Variants in SPDYE5 observed in about 807,000 individuals in gnomAD.
SPDYE5 encodes speedy protein E5.
Under a neutral mutation model 48.5 loss-of-function variants are expected in SPDYE5, and 15 were observed. That is an observed-to-expected ratio of 0.31 (90% confidence interval 0.21 to 0.48). The LOEUF (loss-of-function observed/expected upper bound fraction) is 0.48, where lower values mean the gene tolerates loss of function less well. Among genes scored for constraint, SPDYE5 ranks in the 20% least tolerant of loss-of-function variants. The pLI is 0.99. For missense variants in SPDYE5, 331 were observed against 549.1 expected (o/e 0.60, Z 3.97); for synonymous variants, 116 against 200.7 (o/e 0.58, Z 3.57).
intron 1 of SPDYE5, among the ~76,000 whole-genome samples, chr7:75,493,211 T>C (rs1281485370): frequency 6.6e-6 from 1 of 151,500 alleles, no homozygotes; most frequent in Admixed American, 6.6e-5. Context: ...AAACTTGATA[T>C]ATAGACTAGA....
intron 2 of SPDYE5, among the ~76,000 whole-genome samples, chr7:75,494,516 C>CA (rs1280246072): frequency 9.3e-5 from 11 of 117,972 alleles, no homozygotes; most frequent in Non-Finnish European, 1.4e-4. Context: ...TACTGCACTC[C>CA]AAAAAAAAAA....
chr7:75,502,216 T>A (rs1793185645), intron 8 of SPDYE5, among the ~76,000 whole-genome samples: 1 of 147,544 alleles, frequency 6.8e-6, no homozygotes, highest in African/African-American at 2.5e-5. Context: ...GGAGCCCTGA[T>A]CCTGCCACTG....
At position 75,499,258 on chromosome 7, in the gene SPDYE5, T is replaced by G. The variant is rs1255094756; in HGVS notation, c.697T>G (p.Phe233Val). 7.5e-7 allele frequency: 1 copy of G among 1,333,434 alleles called. No homozygotes were observed. The highest frequency in any genetic ancestry group is 1.1e-6 in the Non-Finnish European group (1 of 928,020). 82.6% of individuals were successfully genotyped at this position (1,333,434 alleles called of 1,614,324 possible). A position where few individuals can be genotyped will look rare whatever the true frequency, so the allele number is the denominator to read the frequency against. ...TCTCCTGGCTATGGTCATAGCGTAT[T>G]TCAGCCGGGCCGGCTTCCCCTCCTG... ...KYLLAMVIAY[F>V]SRAGFPSWQY... is the part of the protein sequence containing the mutation. The change falls in exon 6 of 9, where the codon TTC (phenylalanine) becomes GTC (valine). Residue 233 changes from phenylalanine (F) to valine (V), a missense_variant. Coordinates refer to ENST00000625065, the MANE Select transcript of SPDYE5 (RefSeq NM_001306141.4).
At chr7:75,494,382 C>A (rs1792847158) in intron 2 of SPDYE5, among the ~76,000 whole-genome samples, 175 bp downstream of exon 2, 1 of 151,252 alleles carries the variant, frequency 6.6e-6, no homozygotes, top group Non-Finnish European at 1.5e-5. Context: ...CCTATCTCTA[C>A]TAAAAGTATA....
rs1308123907 is a variant in SPDYE5 at position 75,494,104 on chromosome 7, G to A, written c.57G>A (p.Thr19=). 1 of 1,535,118 alleles carries A rather than the reference G, an allele frequency of 6.5e-7. No individual in the cohort carries two copies. The highest frequency in any genetic ancestry group is 8.7e-7 in the Non-Finnish European group (1 of 1,146,784). The change falls in exon 2 of 9, where the codon ACG becomes ACA. Residue 19 remains threonine (T), a synonymous_variant. Coordinates refer to ENST00000625065, the MANE Select transcript of SPDYE5 (RefSeq NM_001306141.4). ...RKRGQITEKI[T]TSRQPQPQNE... ...GGGGACAGATTACGGAAAAGATCACGACCAGCCGTCAACCGCAACCCCAGA... is the reference window on the plus strand; with the variant it reads ...GGGGACAGATTACGGAAAAGATCACAACCAGCCGTCAACCGCAACCCCAGA...
At chr7:75,495,553 G>C (rs1306522554) in intron 3 of SPDYE5, among the ~76,000 whole-genome samples, 179 bp downstream of exon 3, 1 of 152,260 alleles carries the variant, frequency 6.6e-6, no homozygotes, top group Non-Finnish European at 1.5e-5. Flanking sequence ...GACTAGGCTA[G>C]ACTTGATAAA....
chr7:75,501,439 G>GCT lies in SPDYE5; in HGVS notation c.837_838dup (p.Arg280LeufsTer13). On this transcript the variant is annotated frameshift_variant, in exon 7 of 9. Coordinates refer to ENST00000625065, the MANE Select transcript of SPDYE5 (RefSeq NM_001306141.4). LOFTEE classifies it high-confidence loss of function. Reference sequence around the variant, plus strand: ...TTCCACTTCCTGTATGGGAAGAACCGCTCTCGCATACCCTTGCTCCGTAAG... The same window carrying GCT: ...TTCCACTTCCTGTATGGGAAGAACCGCTCTCTCGCATACCCTTGCTCCGTAAG... 6.2e-7 allele frequency: 1 copy of GCT among 1,610,856 alleles called. No individual in the cohort carries two copies. Among genetic ancestry groups the GCT allele is most frequent in the Non-Finnish European group, 8.5e-7 (1 of 1,178,946 alleles).
rs1464847178 is a variant in SPDYE5, at chr7:75,499,240, G to T, written c.679G>T (p.Ala227Ser). 1 of 1,075,820 alleles carries T rather than the reference G, an allele frequency of 9.3e-7. No individual in the cohort carries two copies. Among genetic ancestry groups the T allele is most frequent in the Admixed American group, 1.8e-5 (1 of 54,716 alleles). The allele number at this position is 1,075,820 out of a possible 1,614,324, so 66.6% of individuals were successfully genotyped here. The change falls in exon 6 of 9, where the codon GCT becomes TCT. Residue 227 changes from alanine (A) to serine (S), a missense_variant. Ala to Ser is a moderately conservative substitution (Grantham distance 99). This residue lies in a region of SPDYE5 where 16 missense variants were observed against 58.2 expected (regional missense o/e 0.27). Transcript: ENST00000625065. ...DLRVSDKYLL[A>S]MVIAYFSRAG... ...CCTTTCTCTCCATCAGTATCTCCTG[G>T]CTATGGTCATAGCGTATTTCAGCCG...
chr7:75,499,175 A>C, intron 5 of SPDYE5, 56 bp from the exon 6 acceptor site: 2 of 1,120,498 alleles, frequency 1.8e-6, no homozygotes, highest in Admixed American at 1.7e-5. Context: ...CCTCTCCACA[A>C]TCTTCCTCTT....
At chr7:75,494,245 G>C in intron 2 of SPDYE5, 38 bp downstream of exon 2, 2 of 1,532,942 alleles carry the variant, frequency 1.3e-6, no homozygotes, top group South Asian at 1.2e-5. Flanking sequence ...GGATAGGATT[G>C]ACTAAGACGA....
At chr7:75,496,414 A>AG (rs1433214121) in intron 3 of SPDYE5, among the ~76,000 whole-genome samples, 11 of 124,402 alleles carry the variant, frequency 8.8e-5, no homozygotes, top group African/African-American at 3.3e-4. Flanking sequence ...CAAAAAAAAA[A>AG]AAAAAAAAAA....
At chr7:75,493,044 T>C (rs1554481960) in intron 1 of SPDYE5, among the ~76,000 whole-genome samples, 1 of 151,040 alleles carries the variant, frequency 6.6e-6, no homozygotes, top group Non-Finnish European at 1.5e-5. Flanking sequence ...TCAGGCAATC[T>C]TCCTCCCTTG....
At chr7:75,496,398 CAACAACA>C (rs1389922048) in intron 3 of SPDYE5, among the ~76,000 whole-genome samples, 15 of 44,442 alleles carry the variant, frequency 3.4e-4, no homozygotes, top group Non-Finnish European at 5.3e-4. Context: ...ACAACAACAA[CAACAACA>C]AAAAAAAAAA....
rs1429116669 is a variant in SPDYE5, at chr7:75,494,058, C to A, written c.11C>A (p.Thr4Lys). The A allele has an allele frequency of 9.3e-5, 143 of 1,531,930 alleles. No individual in the cohort carries two copies. The highest frequency in any genetic ancestry group is 2.3e-4 in the Middle Eastern group (1 of 4,380). 94.9% of individuals were successfully genotyped at this position (1,531,930 alleles called of 1,614,324 possible). A position where few individuals can be genotyped will look rare whatever the true frequency, so the allele number is the denominator to read the frequency against. The stretch of plus-strand genomic sequence containing the variant: ...GATCAGAAGAAGGCCATGGACAGAA[C>A]GGAGACTAGGTTCCGTAAGAGGGGA... MDR[T>K]ETRFRKRGQI... is the part of the protein sequence containing the mutation. Residue 4 changes from threonine to lysine, a missense_variant, in exon 2 of 9, where the codon ACG becomes AAG. Around this residue, in one of 8 missense-constraint regions of SPDYE5, gnomAD observed 67 missense variants for 55.7 expected, o/e 1.20. Coordinates refer to ENST00000625065, the MANE Select transcript of SPDYE5 (RefSeq NM_001306141.4).
In SPDYE5 at chr7:75,504,244, A is replaced by G. The variant is rs1554484034; in HGVS notation, c.*1457A>G. 2 of 151,934 alleles carry G rather than the reference A, an allele frequency of 1.3e-5. No homozygotes were observed. The highest frequency in any genetic ancestry group is 2.9e-5 in the Non-Finnish European group (2 of 67,992). 9.4% of individuals were successfully genotyped at this position (151,934 alleles called of 1,614,324 possible). On this transcript the variant is annotated 3_prime_UTR_variant, in exon 9 of 9. Coordinates refer to ENST00000625065, the MANE Select transcript of SPDYE5 (RefSeq NM_001306141.4). ...GGAGGACATGAGCTGTGTGTTTTCA[A>G]GAGAACAATAGAGTGCGTCTCTTGG... is the stretch of plus-strand genomic sequence containing the variant.
In SPDYE5 at chr7:75,495,228, C is replaced by A; in HGVS notation, c.233C>A (p.Ser78Tyr). 4 of 1,597,434 alleles carry A rather than the reference C, an allele frequency of 2.5e-6. No homozygotes were observed. The South Asian group carries it at 3.3e-5, about 13-fold the overall frequency. The change falls in exon 3 of 9, where the codon TCT becomes TAT. Residue 78 changes from serine to tyrosine, a missense_variant. Physicochemically the swap from Ser to Tyr is moderately radical, Grantham distance 144. Around this residue, in one of 8 missense-constraint regions of SPDYE5, gnomAD observed 65 missense variants for 138.2 expected, o/e 0.47. Transcript: ENST00000625065. ...WKRKREWSDE[S>Y]AEEPEKELAP... Reference sequence around the variant, plus strand: ...AGGAAGAGGGAGTGGTCAGATGAATCTGCGGAGGAGCCGGAGAAGGAGCTC... The same window carrying A: ...AGGAAGAGGGAGTGGTCAGATGAATATGCGGAGGAGCCGGAGAAGGAGCTC...
chr7:75,497,067 T>C (rs1255446444), intron 4 of SPDYE5, among the ~76,000 whole-genome samples, 163 bp downstream of exon 4: 3 of 151,678 alleles, frequency 2.0e-5, no homozygotes, highest in Admixed American at 2.0e-4. Context: ...TAGGAGATGA[T>C]AAAGGATTAG....
In SPDYE5 at chr7:75,492,359, T is replaced by C. The variant is rs1792766083; in HGVS notation, c.-504T>C. On this transcript the variant is annotated 5_prime_UTR_variant, in exon 1 of 9. Transcript: ENST00000625065. ...CACAGCAATGGGATCTGCTTCCTCT[T>C]TCAGTGTGTGCCTTTTCTATGAGCG... Among the ~76,000 whole-genome samples the C allele has an allele frequency of 6.6e-6, 1 of 152,172 alleles. No individual in the cohort carries two copies. Among genetic ancestry groups the C allele is most frequent in the Admixed American group, 6.5e-5 (1 of 15,280 alleles).
In SPDYE5 at chr7:75,493,648, G is replaced by T; in HGVS notation, c.-400G>T. 4 of 1,338,978 alleles carry T rather than the reference G, an allele frequency of 3.0e-6. No homozygotes were observed. The highest frequency in any genetic ancestry group is 3.8e-6 in the Non-Finnish European group (4 of 1,053,066). The allele number at this position is 1,338,978 out of a possible 1,614,324, so 82.9% of individuals were successfully genotyped here. The stretch of plus-strand genomic sequence containing the variant: ...CCAGACTGGACTCTGAAATGGGCAT[G>T]TACAGAGACAAAGAGACCCCAACAT... On this transcript the variant is annotated 5_prime_UTR_variant, in exon 2 of 9. An upstream start codon of the reference 5' UTR is lost. Coordinates refer to ENST00000625065, the MANE Select transcript of SPDYE5 (RefSeq NM_001306141.4).
Sources: gnomAD v4.1 joint callset for allele counts (sites outside exome capture counted in the v4.1 genomes callset) on GRCh38, gnomAD v4.1.1 for gene constraint, gnomAD v4.1.1 regional missense constraint, MANE v1.5 for transcripts, NCBI Gene and HGNC (gene_info 2026-07-23, HGNC 2026-07-21) for gene names.